The following ANKRD44 variants were observed in gnomAD, a reference collection of about 807,000 sequenced individuals.
ANKRD44 encodes ankyrin repeat domain 44, also known as serine/threonine-protein phosphatase 6 regulatory ankyrin repeat subunit B.
In ANKRD44, 35 loss-of-function variants were observed where a neutral mutation model predicts 116.0. The observed-to-expected ratio is 0.30, with a 90% confidence interval of 0.23 to 0.40. The LOEUF (loss-of-function observed/expected upper bound fraction) is 0.40. ANKRD44 is among the 10% of genes least tolerant of loss of function. The probability of loss-of-function intolerance (pLI) is 1.00; values close to 1 mark genes in which losing one functional copy is unlikely to be tolerated. For synonymous variants in ANKRD44, 435 were observed against 461.8 expected, an observed-to-expected ratio of 0.94 and a Z score of 0.74; for missense variants, 1,014 against 1,242.6, an observed-to-expected ratio of 0.82 and a Z score of 2.77.
intron 15 of ANKRD44, 82 bp downstream of exon 15, chr2:197,081,563 T>G (rs1483072642): frequency 7.9e-7 from 1 of 1,258,140 alleles, no homozygotes; most frequent in African/African-American, 1.5e-5. Context: ...CCCAAAATAG[T>G]AAGGCAGGCA....
chr2:197,074,509 T>A (rs935652126), intron 16 of ANKRD44, among the ~76,000 whole-genome samples: 1 of 152,212 alleles, frequency 6.6e-6, no homozygotes, highest in African/African-American at 2.4e-5. Context: ...TCTTGTTCTG[T>A]CACCCAGGCT....
At chr2:196,973,232 T>G (rs1471080335) in intron 21 of ANKRD44, among the ~76,000 whole-genome samples, 3 of 152,216 alleles carry the variant, frequency 2.0e-5, no homozygotes, top group African/African-American at 7.2e-5. Flanking sequence ...ATATTTAGAT[T>G]TCTTTTTCTG....
chr2:197,114,739 T>C (rs919954214), intron 8 of ANKRD44, among the ~76,000 whole-genome samples: 2 of 152,188 alleles, frequency 1.3e-5, no homozygotes, highest in African/African-American at 2.4e-5. Context: ...ATAAAAGCTC[T>C]ATGGGATAAC....
At position 196,998,973 on chromosome 2, in the gene ANKRD44, C is replaced by T. The variant is rs145698398; in HGVS notation, c.2599G>A (p.Ala867Thr). The change falls in exon 24 of 28, where the codon GCA becomes ACA. Residue 867 changes from alanine (A) to threonine (T), a missense_variant. Ala to Thr is a moderately conservative substitution (Grantham distance 58, BLOSUM62 0). Transcript: ENST00000282272. ...GCTGTTTTCCCTGAATTATCTACTGCGTTCACTGGAGCACTGTGTCTCAGA... is the reference window on the plus strand; with the variant it reads ...GCTGTTTTCCCTGAATTATCTACTGTGTTCACTGGAGCACTGTGTCTCAGA... ...LLLRHSAPVNAVDNSGKTALM... is the reference protein window; with the variant it reads ...LLLRHSAPVNTVDNSGKTALM... The T allele has an allele frequency of 1.9e-5, 30 of 1,614,108 alleles. No individual in the cohort carries two copies. The highest frequency in any genetic ancestry group is 5.0e-5 in the Admixed American group (3 of 60,006).
intron 1 of ANKRD44, among the ~76,000 whole-genome samples, chr2:197,213,582 T>C (rs1023636266): frequency 1.3e-5 from 2 of 152,242 alleles, no homozygotes; most frequent in South Asian, 2.1e-4. Flanking sequence ...TTGCTCATTA[T>C]ACACTTGAGC....
intron 27 of ANKRD44, among the ~76,000 whole-genome samples, chr2:196,991,103 G>C (rs1038751879): frequency 3.9e-5 from 6 of 152,174 alleles, no homozygotes; most frequent in African/African-American, 1.2e-4. Context: ...GAGGCTAGAG[G>C]GGGAGGGAGG....
At chr2:197,100,175 G>A (rs556062756) in intron 9 of ANKRD44, among the ~76,000 whole-genome samples, 9 of 152,322 alleles carry the variant, frequency 5.9e-5, no homozygotes, top group Non-Finnish European at 8.8e-5. Flanking sequence ...GGTGGCTAAC[G>A]CCTGTAATCC....
At chr2:197,079,552 C>G (rs2077746736) in intron 15 of ANKRD44, among the ~76,000 whole-genome samples, 1 of 152,194 alleles carries the variant, frequency 6.6e-6, no homozygotes, top group African/African-American at 2.4e-5. Context: ...TTCACAAGTA[C>G]CCAGGAATGT....
In ANKRD44 at chr2:197,008,946, T is replaced by C. The variant is rs2076247397; in HGVS notation, c.2010A>G (p.Gly670=). ...PEAVDVKDAK[G]QTPLMLAVAY... The stretch of plus-strand genomic sequence containing the variant: ...AGGCCACGTGTGAGCGCACTTACTG[T>C]CCTTTGGCATCTTTCACATCGACCG... The change falls in exon 19 of 28, where the codon GGA becomes GGG. Residue 670 remains glycine (G), a splice_region_variant and synonymous_variant. Transcript: ENST00000282272. The C allele has an allele frequency of 1.9e-6, 3 of 1,613,914 alleles. No individual in the cohort carries two copies. The highest frequency in any genetic ancestry group is 2.5e-6 in the Non-Finnish European group (3 of 1,179,926).
intron 4 of ANKRD44, among the ~76,000 whole-genome samples, chr2:197,126,949 C>T (rs2078990302): frequency 6.6e-6 from 1 of 151,926 alleles, no homozygotes. Flanking sequence ...GATCATGACA[C>T]TGCACTCCGG....
chr2:197,180,260 C>A (rs762692179), intron 2 of ANKRD44, among the ~76,000 whole-genome samples: 2 of 152,204 alleles, frequency 1.3e-5, no homozygotes, highest in Non-Finnish European at 2.9e-5. Context: ...GACCTGCAGG[C>A]CGGATTTGGC....
At chr2:197,307,798 T>C (rs2084117523) in intron 1 of ANKRD44, among the ~76,000 whole-genome samples, 1 of 152,096 alleles carries the variant, frequency 6.6e-6, no homozygotes, top group Admixed American at 6.6e-5. Context: ...ATCCAGACAA[T>C]TTGTGTTTCA....
chr2:197,136,254 T>G, intron 4 of ANKRD44: 1 of 288,132 alleles, frequency 3.5e-6, no homozygotes. Flanking sequence ...TCTTGGAAGA[T>G]TTCCTCTATT....
chr2:197,305,187 A>G (rs2084031651), intron 1 of ANKRD44, among the ~76,000 whole-genome samples: 1 of 150,952 alleles, frequency 6.6e-6, no homozygotes, highest in African/African-American at 2.5e-5. Context: ...TGTGTCAGGA[A>G]AAAAAACAAA....
intron 16 of ANKRD44, among the ~76,000 whole-genome samples, chr2:197,062,293 A>G (rs1364593126): frequency 6.6e-6 from 1 of 152,200 alleles, no homozygotes; most frequent in Non-Finnish European, 1.5e-5. Flanking sequence ...TATCCAGAGG[A>G]CAGGACTCCT....
At chr2:197,075,461 C>T (rs1007826909) in intron 16 of ANKRD44, among the ~76,000 whole-genome samples, 4 of 152,114 alleles carry the variant, frequency 2.6e-5, no homozygotes, top group African/African-American at 9.7e-5. Flanking sequence ...ATATTTTGAG[C>T]CCAATTGAAT....
At chr2:197,237,324 T>G (rs915523114) in intron 1 of ANKRD44, among the ~76,000 whole-genome samples, 1 of 152,250 alleles carries the variant, frequency 6.6e-6, no homozygotes, top group African/African-American at 2.4e-5. Flanking sequence ...TAAAACATGT[T>G]TGGAAAACAA....
At chr2:197,257,269 C>A (rs1464432248) in intron 1 of ANKRD44, among the ~76,000 whole-genome samples, 1 of 152,084 alleles carries the variant, frequency 6.6e-6, no homozygotes, top group East Asian at 1.9e-4. Flanking sequence ...ACCATGTAGA[C>A]CCACCTGGGA....
chr2:197,096,344 C>G (rs900551486), intron 10 of ANKRD44, among the ~76,000 whole-genome samples: 5 of 151,892 alleles, frequency 3.3e-5, no homozygotes, highest in Admixed American at 3.3e-4. Flanking sequence ...AACTATAATA[C>G]CCCTAATTCT....
Sources: gnomAD v4.1 joint callset for allele counts (sites outside exome capture counted in the v4.1 genomes callset) on GRCh38, gnomAD v4.1.1 for gene constraint, MANE v1.5 for transcripts, NCBI Gene and HGNC (gene_info 2026-07-23, HGNC 2026-07-21) for gene names.